The following NBEAL1 variants were observed in gnomAD, a reference collection of about 807,000 sequenced individuals.
NBEAL1 encodes the protein neurobeachin-like protein 1.
NBEAL1 carries 273 observed loss-of-function variants against 351.3 expected under a neutral mutation model. That is an observed-to-expected ratio of 0.78 (90% CI 0.70 to 0.86). The LOEUF is 0.86. Ranked by LOEUF, NBEAL1 falls within the 40% of genes least tolerant of loss-of-function variation. NBEAL1 has a pLI of 0.00. For synonymous variants in NBEAL1, 1,050 were observed against 1,086.4 expected (o/e 0.97, Z 0.66); for missense variants, 2,961 against 3,201.3 (o/e 0.92, Z 1.81).
intron 35 of NBEAL1, among the ~76,000 whole-genome samples, chr2:203,153,330 C>A (rs796677321): frequency 1.3e-3 from 168 of 131,748 alleles, no homozygotes; most frequent in African/African-American, 4.6e-3. Flanking sequence ...TTGGTAGAGA[C>A]AAGGTCTCAC....
Position 203,130,431 on chromosome 2 carries a change from C to T in NBEAL1, c.3519C>T (p.Leu1173=). The T allele has an allele frequency of 1.3e-6, 2 of 1,488,526 alleles. No individual in the cohort carries two copies. The highest frequency in any genetic ancestry group is 1.8e-6 in the Non-Finnish European group (2 of 1,125,188). The allele number at this position is 1,488,526 out of a possible 1,614,324, so 92.2% of individuals were successfully genotyped here. ...PGNADILYAL[L]LNQKYSDRLR... is the part of the protein sequence containing the mutation. ...ATGCTGACATACTGTACGCATTGCTCTTAAATCAGAAGTACTCTGACAGAC... is the reference window on the plus strand; with the variant it reads ...ATGCTGACATACTGTACGCATTGCTTTTAAATCAGAAGTACTCTGACAGAC... Residue 1173 remains leucine (L), a synonymous_variant, in exon 25 of 56, where the codon CTC becomes CTT. Transcript: ENST00000683969.
In NBEAL1 at chr2:203,208,700, G is replaced by A. The variant is rs780986589; in HGVS notation, c.7570G>A (p.Val2524Ile). The A allele has an allele frequency of 1.6e-5, 25 of 1,612,456 alleles. No individual in the cohort carries two copies. The Middle Eastern group carries it at 6.6e-4, about 42-fold the overall frequency. Residue 2524 changes from valine (V) to isoleucine (I), a missense_variant, in exon 52 of 56, where the codon GTA becomes ATA. Physicochemically the swap from Val to Ile is conservative, Grantham distance 29. Coordinates refer to ENST00000683969, the MANE Select transcript of NBEAL1 (RefSeq NM_001378026.1). ...GATTCTTTATGGACACACCAACGAGGTACTGAGTGTCGGCATCAGCACTGA... is the reference window on the plus strand; with the variant it reads ...GATTCTTTATGGACACACCAACGAGATACTGAGTGTCGGCATCAGCACTGA... ...FQILYGHTNE[V>I]LSVGISTELD...
At chr2:203,151,736 C>G in intron 35 of NBEAL1, 147 bp downstream of exon 35, 1 of 711,704 alleles carries the variant, frequency 1.4e-6, no homozygotes, top group Middle Eastern at 3.0e-4. Flanking sequence ...TATATGTTTT[C>G]AGTCCTGTTA....
At chr2:203,151,741 C>G (rs568939107) in intron 35 of NBEAL1, 152 bp downstream of exon 35, 1 of 691,174 alleles carries the variant, frequency 1.4e-6, no homozygotes, top group East Asian at 3.6e-5. Flanking sequence ...GTTTTCAGTC[C>G]TGTTACATTT....
At chr2:203,159,273 A>T (rs2063883406) in intron 36 of NBEAL1, among the ~76,000 whole-genome samples, 2 of 152,092 alleles carry the variant, frequency 1.3e-5, no homozygotes, top group African/African-American at 4.8e-5. Flanking sequence ...GGGTTTTTTT[A>T]ATGTTTTCAC....
Position 203,188,511 on chromosome 2 carries a change from G to C in NBEAL1, c.6745G>C (p.Asp2249His). The change falls in exon 45 of 56, where the codon GAT (aspartate) becomes CAT (histidine). Residue 2249 changes from aspartate (D) to histidine (H), a missense_variant. Transcript: ENST00000683969. ...TTCAGCTCATCTTCATGAATGGATA[G>C]ATCTGATCTTTGGCTATAAACAGAG... is the stretch of plus-strand genomic sequence containing the variant. ...YVSAHLHEWI[D>H]LIFGYKQRGP... The C allele has an allele frequency of 2.5e-6, 4 of 1,607,394 alleles. No homozygotes were observed. Among genetic ancestry groups the C allele is most frequent in the Non-Finnish European group, 3.4e-6 (4 of 1,177,258 alleles).
intron 17 of NBEAL1, among the ~76,000 whole-genome samples, chr2:203,113,737 T>C (rs984518317): frequency 1.3e-5 from 2 of 151,858 alleles, no homozygotes; most frequent in Non-Finnish European, 2.9e-5. Context: ...TCCTCGCTTA[T>C]GAGGTGGTTA....
chr2:203,066,429 G>T (rs2061587771), intron 6 of NBEAL1, among the ~76,000 whole-genome samples: 1 of 151,076 alleles, frequency 6.6e-6, no homozygotes, highest in African/African-American at 2.4e-5. Context: ...CAAGGCACAA[G>T]AATTTTTCTT....
intron 33 of NBEAL1, among the ~76,000 whole-genome samples, chr2:203,147,590 G>T (rs1055110573): frequency 1.3e-5 from 2 of 151,956 alleles, no homozygotes; most frequent in African/African-American, 4.8e-5. Flanking sequence ...TAATTTTAAG[G>T]TGTATATATT....
At position 203,084,589 on chromosome 2, in the gene NBEAL1, G is replaced by A; in HGVS notation, c.1098+20G>A. On this transcript the variant is annotated intron_variant, in intron 10 of 55. Transcript: ENST00000683969. ...TGCAAGGTATTTTTCTATTATTGTTGTTGTCTTTGATTTTAAGAAGCTATT... is the reference window on the plus strand; with the variant it reads ...TGCAAGGTATTTTTCTATTATTGTTATTGTCTTTGATTTTAAGAAGCTATT... 3 of 1,351,174 alleles carry A rather than the reference G, an allele frequency of 2.2e-6. No individual in the cohort carries two copies. The highest frequency in any genetic ancestry group is 3.0e-6 in the Non-Finnish European group (3 of 1,000,268). The allele number at this position is 1,351,174 out of a possible 1,614,324, so 83.7% of individuals were successfully genotyped here.
chr2:203,194,878 T>TA (rs2065193121), intron 47 of NBEAL1, among the ~76,000 whole-genome samples: 5 of 152,210 alleles, frequency 3.3e-5, no homozygotes, highest in African/African-American at 1.2e-4. Flanking sequence ...TAATGTAGTG[T>TA]AAAAAATGTT....
intron 2 of NBEAL1, among the ~76,000 whole-genome samples, chr2:203,028,277 A>G (rs1430446891): frequency 6.6e-6 from 1 of 151,902 alleles, no homozygotes; most frequent in East Asian, 1.9e-4. Flanking sequence ...TCGGCCTCCC[A>G]AAATGGTGGA....
intron 2 of NBEAL1, among the ~76,000 whole-genome samples, chr2:203,028,802 G>A (rs1442926464): frequency 6.6e-6 from 1 of 151,392 alleles, no homozygotes; most frequent in Non-Finnish European, 1.5e-5. Context: ...TTTTTATTTG[G>A]TTAATTTTTT....
At chr2:203,144,390 T>C (rs1342600210) in intron 31 of NBEAL1, among the ~76,000 whole-genome samples, 1 of 152,176 alleles carries the variant, frequency 6.6e-6, no homozygotes, top group Non-Finnish European at 1.5e-5. Flanking sequence ...TAGATCTTGG[T>C]CTCTGACTCA....
chr2:203,183,355 T>C lies in NBEAL1; in HGVS notation c.6672T>C (p.Ala2224=), dbSNP rs933295464. 4.4e-6 allele frequency: 7 copies of C among 1,596,284 alleles called. No individual in the cohort carries two copies. Among genetic ancestry groups the C allele is most frequent in the Non-Finnish European group, 6.0e-6 (7 of 1,171,158 alleles). ...TTCTCCCGAAATGGGCTAAATCAGC[T>C]GAAGATTTCATCTATAAACATAGGA... is the stretch of plus-strand genomic sequence containing the variant. The part of the protein sequence containing the change: ...DVILPKWAKS[A]EDFIYKHRKA... Residue 2224 remains alanine, a synonymous_variant, in exon 44 of 56, where the codon GCT becomes GCC. Coordinates refer to ENST00000683969, the MANE Select transcript of NBEAL1 (RefSeq NM_001378026.1).
Position 203,135,761 on chromosome 2 carries a change from T to C in NBEAL1, c.3898T>C (p.Phe1300Leu). The stretch of plus-strand genomic sequence containing the variant: ...TTGGCAAGACACCTTAGTTAGGCTT[T>C]TTTTAAAAGCAAAATTTGAAAACGG... ...VGWQDTLVRL[F>L]LKAKFENGNT... Residue 1300 changes from phenylalanine (F) to leucine (L), a missense_variant, in exon 28 of 56, where the codon TTT becomes CTT. Transcript: ENST00000683969. The C allele has an allele frequency of 1.3e-6, 2 of 1,599,276 alleles. No individual in the cohort carries two copies. The highest frequency in any genetic ancestry group is 1.7e-6 in the Non-Finnish European group (2 of 1,172,038).
chr2:203,134,405 A>C (rs534202437), intron 27 of NBEAL1, among the ~76,000 whole-genome samples: 2 of 152,336 alleles, frequency 1.3e-5, no homozygotes, highest in African/African-American at 4.8e-5. Flanking sequence ...ATAAAGTAAC[A>C]GTTGCTCACT....
chr2:203,032,660 CTT>C (rs747309074), intron 2 of NBEAL1, among the ~76,000 whole-genome samples: 2 of 70,164 alleles, frequency 2.9e-5, no homozygotes, highest in South Asian at 7.7e-4. Flanking sequence ...GAAATTGTAG[CTT>C]TTTTTTTTTT....
chr2:203,100,848 CTG>C (rs1161239332), intron 12 of NBEAL1, among the ~76,000 whole-genome samples: 5 of 152,020 alleles, frequency 3.3e-5, no homozygotes, highest in South Asian at 4.2e-4. Context: ...ACACCCAGCC[CTG>C]TTTTCTTTTG....
Sources: allele counts gnomAD v4.1 joint callset (sites outside exome capture counted in the v4.1 genomes callset), GRCh38; gene constraint gnomAD v4.1.1; transcripts MANE v1.5; gene names NCBI Gene and HGNC (gene_info 2026-07-23, HGNC 2026-07-21).